Variants in LAMA1 observed in about 807,000 individuals in gnomAD.
The protein encoded by LAMA1 is laminin subunit alpha-1.
In LAMA1, 219 loss-of-function variants were observed where a neutral mutation model predicts 348.7. That is an observed-to-expected ratio of 0.63 (90% CI 0.56 to 0.70). LAMA1 has a LOEUF of 0.70. LAMA1 is among the 30% of genes least tolerant of loss of function. LAMA1 has a pLI of 0.00. For synonymous variants in LAMA1, 1,487 were observed against 1,491.0 expected, an observed-to-expected ratio of 1.00 and a Z score of 0.06; for missense variants, 3,744 against 3,888.0, an observed-to-expected ratio of 0.96 and a Z score of 0.99.
intron 28 of LAMA1, among the ~76,000 whole-genome samples, 194 bp from the exon 29 acceptor site, chr18:7,007,470 CAAA>C (rs201834015): frequency 2.3e-5 from 3 of 132,180 alleles, no homozygotes; most frequent in African/African-American, 2.7e-5. Context: ...TATCAACTAT[CAAA>C]AAAAAAAAAA....
At position 6,942,236 on chromosome 18, in the gene LAMA1, C is replaced by CG; in HGVS notation, c.9070_9071insC (p.Gly3024AlafsTer24). 1.2e-6 allele frequency: 2 copies of CG among 1,613,980 alleles called. No homozygotes were observed. Among genetic ancestry groups the CG allele is most frequent in the South Asian group, 2.2e-5 (2 of 91,086 alleles). On this transcript the variant is annotated frameshift_variant, in exon 63 of 63. Coordinates refer to ENST00000389658, the MANE Select transcript of LAMA1 (RefSeq NM_005559.4). LOFTEE classifies it low-confidence loss of function (END_TRUNC). ...GCTGCGCAGGCATTTTTGCTTCACA[C>CG]CAGCTGTTCAGGAAAGAAGAGAAGA...
At chr18:7,048,064 C>G (rs1021997475) in intron 5 of LAMA1, among the ~76,000 whole-genome samples, 5 of 152,070 alleles carry the variant, frequency 3.3e-5, no homozygotes, top group Non-Finnish European at 7.3e-5. Flanking sequence ...TCCAAAGTCA[C>G]AGGAAGGTGA....
chr18:7,064,797 A>G (rs1416709913), intron 3 of LAMA1, among the ~76,000 whole-genome samples: 1 of 152,220 alleles, frequency 6.6e-6, no homozygotes, highest in Admixed American at 6.5e-5. Flanking sequence ...TTCTGATTAC[A>G]TACCATTAAA....
chr18:7,015,938 T>C (rs112015297), intron 21 of LAMA1, 80 bp from the exon 22 acceptor site: 24 of 1,549,590 alleles, frequency 1.5e-5, no homozygotes, highest in African/African-American at 1.4e-4. Flanking sequence ...TATTTCCCTT[T>C]TATTAAGAGT....
chr18:7,023,331 G>C lies in LAMA1; in HGVS notation c.2534C>G (p.Ser845Cys). The part of the protein sequence containing the change: ...YYGNPTVPGE[S>C]CVPCDCSGNV... ...GCCGCTGCAGTCACAGGGAACACAAGATTCGCCAGGCACTGTTGGGTTTCC... is the reference window on the plus strand; with the variant it reads ...GCCGCTGCAGTCACAGGGAACACAACATTCGCCAGGCACTGTTGGGTTTCC... Residue 845 changes from serine (S) to cysteine (C), a missense_variant, in exon 19 of 63, where the codon TCT (serine) becomes TGT (cysteine). This residue lies in a region of LAMA1 where 1,529 missense variants were observed against 1,689.4 expected (regional missense o/e 0.91). Transcript: ENST00000389658. 2 of 1,614,218 alleles carry C rather than the reference G, an allele frequency of 1.2e-6. No homozygotes were observed. Among genetic ancestry groups the C allele is most frequent in the South Asian group, 2.2e-5 (2 of 91,088 alleles).
intron 5 of LAMA1, among the ~76,000 whole-genome samples, chr18:7,047,026 A>G (rs576854744): frequency 3.3e-4 from 50 of 149,316 alleles, no homozygotes; most frequent in Non-Finnish European, 6.8e-4. Context: ...GTTTAGTCTT[A>G]CTATGTGTGC....
At chr18:7,021,803 TTATATTATATAATA>T (rs983667108) in intron 19 of LAMA1, among the ~76,000 whole-genome samples, 3 of 71,944 alleles carry the variant, frequency 4.2e-5, no homozygotes, top group Non-Finnish European at 9.0e-5. Flanking sequence ...TAATAATATA[TTATATTATATAATA>T]TATATTATAT....
chr18:7,075,055 A>C (rs1057351233), intron 3 of LAMA1, among the ~76,000 whole-genome samples: 1 of 149,714 alleles, frequency 6.7e-6, no homozygotes, highest in East Asian at 2.0e-4. Context: ...AACAGGATCA[A>C]TGTTAGCATT....
chr18:6,947,127 G>T (rs756641644), intron 61 of LAMA1, 36 bp downstream of exon 61: 1 of 1,613,370 alleles, frequency 6.2e-7, no homozygotes, highest in Non-Finnish European at 8.5e-7. Context: ...TCTGACACTG[G>T]GGGGAGGAAG....
Position 6,950,961 on chromosome 18 carries a change from C to T in LAMA1, c.8218G>A (p.Glu2740Lys), listed in dbSNP as rs1291892066. The change falls in exon 58 of 63, where the codon GAG becomes AAG. Residue 2740 changes from glutamate to lysine, a missense_variant. Glu to Lys is a moderately conservative substitution (Grantham distance 56). Around this residue, in one of 3 missense-constraint regions of LAMA1, gnomAD observed 1,983 missense variants for 1,934.3 expected, o/e 1.03. Transcript: ENST00000389658. The part of the protein sequence containing the change: ...QSAVRKKLSV[E>K]LSIRTFASSG... ...GAGGCGAACGTGCGGATGCTTAGCT[C>T]AACCGAGAGCCTGGGGAAAACAAGT... The T allele has an allele frequency of 6.2e-7, 1 of 1,613,556 alleles. No individual in the cohort carries two copies. The highest frequency in any genetic ancestry group is 1.3e-5 in the African/African-American group (1 of 74,942).
intron 53 of LAMA1, chr18:6,959,964 G>A (rs1227432973): frequency 8.0e-6 from 2 of 251,370 alleles, no homozygotes; most frequent in East Asian, 2.0e-4. Flanking sequence ...ACATTGAAAA[G>A]AGGTAGTTTA....
At chr18:7,031,370 C>T (rs185833195) in intron 16 of LAMA1, among the ~76,000 whole-genome samples, 218 of 152,228 alleles carry the variant, frequency 1.4e-3, no homozygotes, top group African/African-American at 4.9e-3. Flanking sequence ...AAAGTTCATT[C>T]TCAAGATTAA....
chr18:6,956,378 A>C, intron 56 of LAMA1: 2 of 638,076 alleles, frequency 3.1e-6, no homozygotes, highest in East Asian at 6.4e-5. Context: ...AAGCTCTGCC[A>C]AAAGCATATT....
chr18:7,034,369 T>C (rs1291651583), intron 14 of LAMA1, 110 bp downstream of exon 14: 4 of 806,972 alleles, frequency 5.0e-6, no homozygotes, highest in Non-Finnish European at 8.5e-6. Context: ...TGTAGCTGTG[T>C]CCTTAATATA....
rs1171811518 is a variant in LAMA1 at position 6,993,740 on chromosome 18, A to G, written c.4909T>C (p.Leu1637=). 5 of 1,606,030 alleles carry G rather than the reference A, an allele frequency of 3.1e-6. No homozygotes were observed. The East Asian group carries it at 1.1e-4, about 36-fold the overall frequency. The change falls in exon 35 of 63, where the codon TTA becomes CTA. Residue 1637 remains leucine, a synonymous_variant. Transcript: ENST00000389658. Reference sequence around the variant, plus strand: ...CTATTCACCTTTTGGGTACTCGCTAACATCCTAGTGAGCTGGTGGAAAAAT... The same window carrying G: ...CTATTCACCTTTTGGGTACTCGCTAGCATCCTAGTGAGCTGGTGGAAAAAT... ...DNLQKKLTRM[L]ASTQKVNRAT...
chr18:6,997,725 G>A lies in LAMA1; in HGVS notation c.4806+17C>T. ...ATGATACAAGTGTCTGTTCATCTCT[G>A]TATTTCCAGTACCTACCTGGAGATA... On this transcript the variant is annotated intron_variant, in intron 33 of 62. Transcript: ENST00000389658. 1 of 1,611,146 alleles carries A rather than the reference G, an allele frequency of 6.2e-7. No homozygotes were observed. Among genetic ancestry groups the A allele is most frequent in the Non-Finnish European group, 8.5e-7 (1 of 1,177,350 alleles).
intron 33 of LAMA1, among the ~76,000 whole-genome samples, chr18:6,995,798 G>A (rs1004196486): frequency 3.3e-5 from 5 of 151,900 alleles, no homozygotes; most frequent in African/African-American, 9.7e-5. Context: ...ATGCCTTTTA[G>A]GCTAAACTAC....
At chr18:6,950,658 C>T in intron 58 of LAMA1, 124 bp downstream of exon 58, 1 of 1,106,856 alleles carries the variant, frequency 9.0e-7, no homozygotes, top group Non-Finnish European at 1.3e-6. Flanking sequence ...CTGGGGGAGA[C>T]ACCAGACACA....
chr18:6,982,076 T>G (rs150821616), intron 41 of LAMA1, among the ~76,000 whole-genome samples: 1 of 152,148 alleles, frequency 6.6e-6, no homozygotes, highest in African/African-American at 2.4e-5. Context: ...GAACCTACCA[T>G]GAGTCTAATA....
Sources: gnomAD v4.1 joint callset for allele counts (sites outside exome capture counted in the v4.1 genomes callset) on GRCh38, gnomAD v4.1.1 for gene constraint, gnomAD v4.1.1 regional missense constraint, MANE v1.5 for transcripts, NCBI Gene and HGNC (gene_info 2026-07-23, HGNC 2026-07-21) for gene names.